ZNF423: variants seen among roughly 807,000 people sequenced by gnomAD.
ZNF423 encodes Ebf-associated zinc finger protein.
Under a neutral mutation model 95.8 loss-of-function variants are expected in ZNF423, and 12 were observed. The observed-to-expected ratio is 0.13, with a 90% confidence interval of 0.08 to 0.20. ZNF423 has a LOEUF of 0.20. Among genes scored for constraint, ZNF423 ranks in the 10% least tolerant of loss-of-function variants. The pLI is 1.00. For missense variants in ZNF423, 1,316 were observed against 1,737.1 expected (o/e 0.76, Z 4.31); for synonymous variants, 749 against 711.9 (o/e 1.05, Z -0.83).
chr16:49,691,109 G>A (rs762885356), intron 3 of ZNF423, among the ~76,000 whole-genome samples: 1 of 152,242 alleles, frequency 6.6e-6, no homozygotes, highest in Non-Finnish European at 1.5e-5. Flanking sequence ...AGCCGACCAG[G>A]GCAGAGGGCC....
chr16:49,491,436 G>A, intron 7 of ZNF423, 132 bp from the exon 8 acceptor site: 1 of 1,151,590 alleles, frequency 8.7e-7, no homozygotes, highest in Non-Finnish European at 1.3e-6. Flanking sequence ...ATGCAACAAG[G>A]AAAAAGTGCT....
intron 1 of ZNF423, among the ~76,000 whole-genome samples, chr16:49,838,608 C>A (rs1309043953): frequency 6.6e-6 from 1 of 152,114 alleles, no homozygotes. Flanking sequence ...GGCCCGCAGC[C>A]CACCCAAGGG....
intron 3 of ZNF423, among the ~76,000 whole-genome samples, chr16:49,702,538 G>A (rs1430750806): frequency 2.0e-5 from 3 of 152,194 alleles, no homozygotes; most frequent in Non-Finnish European, 2.9e-5. Context: ...TTGAGGAGGG[G>A]GCAGGGTGGA....
At chr16:49,607,598 TG>T (rs1271702199) in intron 5 of ZNF423, among the ~76,000 whole-genome samples, 1 of 152,200 alleles carries the variant, frequency 6.6e-6, no homozygotes, top group African/African-American at 2.4e-5. Flanking sequence ...GGCTGGATAA[TG>T]GGGTTGTTTT....
Position 49,636,832 on chromosome 16 carries a change from G to C in ZNF423, c.2344C>G (p.Leu782Val), listed in dbSNP as rs1972740691. The change falls in exon 4 of 8, where the codon CTG becomes GTG. Residue 782 changes from leucine (L) to valine (V), a missense_variant. Leu to Val is a conservative substitution (Grantham distance 32, BLOSUM62 1). Transcript: ENST00000563137. This position sits in a 1 kb window ranked among gnomAD's most constrained non-coding sequence, Gnocchi z 8.6. ...TTGTGAGCCTTGGCCGGGTTGCCCAGGTGGCTGTGTTTGACGTGCACCTGC... is the reference window on the plus strand; with the variant it reads ...TTGTGAGCCTTGGCCGGGTTGCCCACGTGGCTGTGTTTGACGTGCACCTGC... Reference protein sequence around the residue: ...DLQVHVKHSHLGNPAKAHKCI... With the variant: ...DLQVHVKHSHVGNPAKAHKCI... 6.2e-7 allele frequency: 1 copy of C among 1,614,104 alleles called. No individual in the cohort carries two copies. Among genetic ancestry groups the C allele is most frequent in the East Asian group, 2.2e-5 (1 of 44,866 alleles).
intron 6 of ZNF423, among the ~76,000 whole-genome samples, 185 bp from the exon 7 acceptor site, chr16:49,523,924 G>A (rs942783373): frequency 6.6e-5 from 10 of 152,138 alleles, no homozygotes; most frequent in Admixed American, 2.0e-4. Flanking sequence ...GCTGAGCTCC[G>A]GTACTTAGTG....
chr16:49,566,146 C>T (rs1045602135), intron 5 of ZNF423, among the ~76,000 whole-genome samples: 2 of 152,194 alleles, frequency 1.3e-5, no homozygotes, highest in African/African-American at 4.8e-5. Context: ...CCATCACCAG[C>T]GGAGGAGACA....
At chr16:49,769,030 G>A (rs1484579742) in intron 2 of ZNF423, among the ~76,000 whole-genome samples, 1 of 152,068 alleles carries the variant, frequency 6.6e-6, no homozygotes, top group Non-Finnish European at 1.5e-5. Context: ...CTTTTCTCAT[G>A]CCCAACATCC....
intron 5 of ZNF423, 104 bp downstream of exon 5, chr16:49,626,066 G>T: frequency 9.0e-7 from 1 of 1,108,680 alleles, no homozygotes; most frequent in Non-Finnish European, 1.4e-6. Flanking sequence ...CAGCAGCAGT[G>T]ACTCTGTCCT....
At chr16:49,513,676 C>T (rs28548059) in intron 7 of ZNF423, among the ~76,000 whole-genome samples, 21,400 of 70,526 alleles carry the variant, frequency 0.3, 1,542 homozygotes, top group African/African-American at 0.4. Flanking sequence ...GATGGATGGA[C>T]GGACGGATGG....
At chr16:49,527,094 G>A (rs1406381221) in intron 5 of ZNF423, among the ~76,000 whole-genome samples, 1 of 152,114 alleles carries the variant, frequency 6.6e-6, no homozygotes, top group Non-Finnish European at 1.5e-5. Flanking sequence ...GCCCTGGCAG[G>A]GGCTGGCAGA....
At chr16:49,588,212 A>T (rs1020251842) in intron 5 of ZNF423, among the ~76,000 whole-genome samples, 5 of 152,210 alleles carry the variant, frequency 3.3e-5, no homozygotes, top group African/African-American at 9.6e-5. Context: ...CTGCCTCAGT[A>T]AGTTGTACTG....
At chr16:49,747,257 T>C (rs954929097) in intron 2 of ZNF423, among the ~76,000 whole-genome samples, 2 of 151,982 alleles carry the variant, frequency 1.3e-5, no homozygotes, top group Non-Finnish European at 2.9e-5. Context: ...CATGCAGCAA[T>C]TAAAATTAAT....
intron 1 of ZNF423, among the ~76,000 whole-genome samples, chr16:49,846,179 G>A (rs1380251115): frequency 6.6e-6 from 1 of 151,828 alleles, no homozygotes; most frequent in Non-Finnish European, 1.5e-5. Context: ...GCACATGCCT[G>A]TAATCCCAGC....
At position 49,682,175 on chromosome 16, in the gene ZNF423, C is replaced by A. The variant is rs184535421; in HGVS notation, c.302-43301G>T. On this transcript the variant is annotated intron_variant, in intron 3 of 7. Transcript: ENST00000563137. ...TTTCCTCTCTGCTCTCCCAGAGGGT[C>A]TGTCCTGCCTTTCTGCCTGCTCCTG... Among the ~76,000 whole-genome samples the A allele has an allele frequency of 9.2e-5, 14 of 152,172 alleles. 1 individual carries two copies. In the East Asian group the frequency reaches 2.7e-3, roughly 29 times the overall value.
intron 1 of ZNF423, chr16:49,827,034 T>C (rs1028647773): frequency 5.3e-5 from 8 of 152,224 alleles, no homozygotes; most frequent in African/African-American, 1.9e-4. Flanking sequence ...GTAGTATTCT[T>C]ATCTGCTGCA....
chr16:49,697,030 G>T (rs1288560163), intron 3 of ZNF423, among the ~76,000 whole-genome samples: 1 of 152,234 alleles, frequency 6.6e-6, no homozygotes, highest in Admixed American at 6.5e-5. Context: ...ACGCAGGAAT[G>T]CAGTCCATCG....
intron 3 of ZNF423, among the ~76,000 whole-genome samples, chr16:49,703,189 A>G (rs1382883008): frequency 2.6e-5 from 4 of 152,202 alleles, no homozygotes; most frequent in Admixed American, 1.3e-4. Context: ...TAACCGTGTC[A>G]TGGCCGCTGG....
intron 5 of ZNF423, among the ~76,000 whole-genome samples, chr16:49,560,884 T>C (rs1311827711): frequency 6.6e-6 from 1 of 152,216 alleles, no homozygotes; most frequent in East Asian, 1.9e-4. Context: ...TTTTCTTTTT[T>C]CCTTTAGCAC....
Sources: gnomAD v4.1 joint callset for allele counts (sites outside exome capture counted in the v4.1 genomes callset) on GRCh38, gnomAD v4.1.1 for gene constraint, Gnocchi (gnomAD v3.1) non-coding constraint, MANE v1.5 for transcripts, NCBI Gene and HGNC (gene_info 2026-07-23, HGNC 2026-07-21) for gene names.